The following PDE11A variants were observed in gnomAD, a reference collection of about 807,000 sequenced individuals.
PDE11A encodes the protein phosphodiesterase 11A.
In PDE11A, 100 loss-of-function variants were observed where a neutral mutation model predicts 100.5. The ratio of observed to expected loss-of-function variants is 1.00; its 90% CI spans 0.85 to 1.18. PDE11A has a LOEUF of 1.18. Among genes scored for constraint, PDE11A ranks in the 50% most tolerant of loss-of-function variants. The pLI, the probability that PDE11A is intolerant of heterozygous loss-of-function variation, is 0.00. For synonymous variants in PDE11A, 381 were observed against 420.8 expected (o/e 0.91, Z 1.16); for missense variants, 1,141 against 1,152.6 (o/e 0.99, Z 0.15).
intron 1 of PDE11A, among the ~76,000 whole-genome samples, chr2:178,039,183 G>A (rs1251418495): frequency 1.3e-5 from 2 of 152,152 alleles, no homozygotes; most frequent in Non-Finnish European, 2.9e-5. Context: ...ATATACACAT[G>A]GATACTATGC....
At chr2:177,746,550 A>G (rs548398772) in intron 10 of PDE11A, among the ~76,000 whole-genome samples, 28 of 152,378 alleles carry the variant, frequency 1.8e-4, no homozygotes, top group African/African-American at 6.5e-4. Context: ...AGAATTCTAC[A>G]AGCTGCCAAA....
chr2:177,871,524 A>AAAT (rs2084133299), intron 5 of PDE11A, among the ~76,000 whole-genome samples: 2 of 134,228 alleles, frequency 1.5e-5, no homozygotes, highest in African/African-American at 5.5e-5. Context: ...AGTCAGTAGT[A>AAAT]AATTATTATT....
chr2:177,696,116 C>A (rs1381120264), intron 15 of PDE11A, among the ~76,000 whole-genome samples: 1 of 152,066 alleles, frequency 6.6e-6, no homozygotes, highest in Admixed American at 6.6e-5. Flanking sequence ...AGGTTGGGGG[C>A]AGATTATAGA....
intron 9 of PDE11A, among the ~76,000 whole-genome samples, chr2:177,780,716 C>T (rs2082442816): frequency 6.6e-6 from 1 of 152,214 alleles, no homozygotes; most frequent in African/African-American, 2.4e-5. Flanking sequence ...TGGCTTCTTC[C>T]CTTAAAGTTC....
chr2:178,090,677 C>T (rs2087411977), intron 2 of PDE11A, among the ~76,000 whole-genome samples: 4 of 152,164 alleles, frequency 2.6e-5, no homozygotes, highest in Admixed American at 2.6e-4. Context: ...GCTCTCTGGC[C>T]TCATGCCAAT....
At chr2:177,822,687 A>T (rs935799590) in intron 6 of PDE11A, among the ~76,000 whole-genome samples, 2 of 152,088 alleles carry the variant, frequency 1.3e-5, no homozygotes, top group South Asian at 4.1e-4. Flanking sequence ...GGGAGAATTG[A>T]CACCTTTACA....
intron 2 of PDE11A, among the ~76,000 whole-genome samples, chr2:177,919,670 C>T (rs1433744818): frequency 6.6e-6 from 1 of 151,608 alleles, no homozygotes; most frequent in African/African-American, 2.4e-5. Context: ...GAAAAACGTG[C>T]CATATTTCTC....
intron 2 of PDE11A, among the ~76,000 whole-genome samples, chr2:177,979,010 T>C (rs2105801213): frequency 7.5e-6 from 1 of 133,226 alleles, no homozygotes; most frequent in African/African-American, 2.8e-5. Flanking sequence ...CGCACCAGCA[T>C]GGCACATGTA....
At chr2:177,880,331 C>T (rs975338547) in intron 4 of PDE11A, among the ~76,000 whole-genome samples, 3 of 152,198 alleles carry the variant, frequency 2.0e-5, no homozygotes, top group Admixed American at 2.0e-4. Flanking sequence ...AGTCAGAGGT[C>T]AGCCGCATGG....
chr2:177,848,701 A>G (rs1252079938), intron 5 of PDE11A, among the ~76,000 whole-genome samples: 1 of 152,178 alleles, frequency 6.6e-6, no homozygotes, highest in Non-Finnish European at 1.5e-5. Flanking sequence ...CCCTGAAGTG[A>G]GGGCCGGTGA....
chr2:177,864,993 A>G (rs2105676696), intron 5 of PDE11A, among the ~76,000 whole-genome samples: 1 of 152,276 alleles, frequency 6.6e-6, no homozygotes, highest in East Asian at 1.9e-4. Flanking sequence ...AAAAACAAAC[A>G]AATCGGCCAG....
intron 5 of PDE11A, among the ~76,000 whole-genome samples, chr2:177,860,848 T>C (rs1436564191): frequency 6.6e-6 from 1 of 151,806 alleles, no homozygotes; most frequent in African/African-American, 2.4e-5. Flanking sequence ...CACATGATTA[T>C]CTCAATAGGC....
At chr2:178,022,249 T>C (rs756139004) in intron 1 of PDE11A, among the ~76,000 whole-genome samples, 1 of 152,150 alleles carries the variant, frequency 6.6e-6, no homozygotes, top group Non-Finnish European at 1.5e-5. Context: ...TGCTGATTAA[T>C]TTGGAAGGCT....
intron 2 of PDE11A, chr2:177,997,951 G>A (rs2086097857): frequency 2.5e-6 from 3 of 1,202,610 alleles, no homozygotes; most frequent in Non-Finnish European, 3.7e-6. Flanking sequence ...CACTGCGGTA[G>A]TCAAGATACC....
intron 5 of PDE11A, among the ~76,000 whole-genome samples, chr2:177,856,038 A>C (rs1459765781): frequency 1.3e-5 from 2 of 151,912 alleles, no homozygotes; most frequent in East Asian, 3.9e-4. Flanking sequence ...AATGAAACCT[A>C]AGTAAAATCC....
intron 2 of PDE11A, among the ~76,000 whole-genome samples, chr2:177,962,056 C>CAAAAAAA (rs34148492): frequency 1.5e-5 from 1 of 66,348 alleles, no homozygotes; most frequent in Non-Finnish European, 2.7e-5. Context: ...GACACTGTCT[C>CAAAAAAA]AAAAAAAAAA....
intron 5 of PDE11A, among the ~76,000 whole-genome samples, chr2:177,866,192 A>G (rs1437237487): frequency 6.6e-6 from 1 of 152,130 alleles, no homozygotes; most frequent in Non-Finnish European, 1.5e-5. Flanking sequence ...CTTTAGGAGA[A>G]CCTCATCAGG....
intron 4 of PDE11A, among the ~76,000 whole-genome samples, chr2:177,888,934 A>G (rs764792090): frequency 5.3e-5 from 8 of 152,220 alleles, no homozygotes; most frequent in Non-Finnish European, 8.8e-5. Flanking sequence ...TTACATTTGT[A>G]TCTACAAGTA....
At chr2:177,697,046 T>C (rs906467406) in intron 15 of PDE11A, among the ~76,000 whole-genome samples, 1 of 152,198 alleles carries the variant, frequency 6.6e-6, no homozygotes, top group African/African-American at 2.4e-5. Flanking sequence ...TTAGCTAGGA[T>C]CTAAGATAAA....
Sources: allele counts gnomAD v4.1 joint callset (sites outside exome capture counted in the v4.1 genomes callset), GRCh38; gene constraint gnomAD v4.1.1; transcripts MANE v1.5; gene names NCBI Gene and HGNC (gene_info 2026-07-23, HGNC 2026-07-21).